The following SELENOI variants were observed in gnomAD, a reference collection of about 807,000 sequenced individuals.
SELENOI encodes the protein selenoprotein I.
In SELENOI, 24 loss-of-function variants were observed where a neutral mutation model predicts 50.7. That is an observed-to-expected ratio of 0.47 (90% CI 0.34 to 0.67). SELENOI has a LOEUF of 0.67. Ranked by LOEUF, SELENOI falls within the 30% of genes least tolerant of loss-of-function variation. The pLI is 0.01. For synonymous variants in SELENOI, 155 were observed against 170.2 expected, an observed-to-expected ratio of 0.91 and a Z score of 0.70; for missense variants, 352 against 461.4, an observed-to-expected ratio of 0.76 and a Z score of 2.17.
chr2:26,387,296 A>G (rs550274619), intron 9 of SELENOI, among the ~76,000 whole-genome samples: 1 of 152,274 alleles, frequency 6.6e-6, no homozygotes, highest in Admixed American at 6.5e-5. Flanking sequence ...CATTTTTAAC[A>G]TAGGCTGTGC....
At chr2:26,386,580 A>G (rs767245051) in intron 9 of SELENOI, 44 bp downstream of exon 9, 7 of 1,449,524 alleles carry the variant, frequency 4.8e-6, no homozygotes, top group Non-Finnish European at 5.5e-6. Context: ...GGGCTTATAA[A>G]TGGCACCAAT....
rs757002380 is a variant in SELENOI, at chr2:26,346,193, G to T, written c.-40G>T. ...GCTTGTGTGTCACAGCCTTGTAGCC[G>T]GGAGTCGCTGCCGAGTGGGCGCTCA... On this transcript the variant is annotated 5_prime_UTR_variant, in exon 1 of 10. Coordinates refer to ENST00000260585, the MANE Select transcript of SELENOI (RefSeq NM_033505.4). The T allele has an allele frequency of 1.5e-5, 25 of 1,613,138 alleles. No homozygotes were observed. Among genetic ancestry groups the T allele is most frequent in the Non-Finnish European group, 2.0e-5 (24 of 1,179,540 alleles).
intron 4 of SELENOI, among the ~76,000 whole-genome samples, chr2:26,367,527 A>G (rs1307145677): frequency 6.6e-6 from 1 of 152,158 alleles, no homozygotes; most frequent in Non-Finnish European, 1.5e-5. Context: ...TATATTGTCT[A>G]TGGCTGTTTT....
intron 6 of SELENOI, 143 bp from the exon 7 acceptor site, chr2:26,383,148 AATGTTGTT>A (rs1677743395): frequency 2.0e-6 from 1 of 503,250 alleles, no homozygotes; most frequent in African/African-American, 2.0e-5. Flanking sequence ...TCCTGTTGTA[AATGTTGTT>A]TATAAATGTA....
intron 4 of SELENOI, among the ~76,000 whole-genome samples, chr2:26,370,836 AC>A (rs1677412638): frequency 2.6e-5 from 1 of 38,140 alleles, no homozygotes; most frequent in African/African-American, 1.0e-4. Flanking sequence ...GGGGGCTGAC[AC>A]CCCCACCTCC....
At chr2:26,386,833 A>G (rs1158106003) in intron 9 of SELENOI, among the ~76,000 whole-genome samples, 1 of 152,246 alleles carries the variant, frequency 6.6e-6, no homozygotes, top group East Asian at 1.9e-4. Context: ...CTTGGTGAGT[A>G]GAATTGTAAA....
chr2:26,347,809 T>C (rs1280313271), intron 1 of SELENOI, among the ~76,000 whole-genome samples: 1 of 152,218 alleles, frequency 6.6e-6, no homozygotes, highest in Non-Finnish European at 1.5e-5. Context: ...TAAAGAATCT[T>C]CCCTAGATTT....
rs923807602 is a variant in SELENOI at position 26,392,560 on chromosome 2, T to C, written c.*3457T>C. 2.0e-5 allele frequency: 3 copies of C among 152,254 alleles called. No homozygotes were observed. Among genetic ancestry groups the C allele is most frequent in the Non-Finnish European group, 2.9e-5 (2 of 68,062 alleles). 9.4% of individuals were successfully genotyped at this position (152,254 alleles called of 1,614,324 possible). ...ACCACCTAGGACAGAGGCTGCCCAC[T>C]CAGGTCTTGCCTTGTTGCCCCTAGA... On this transcript the variant is annotated 3_prime_UTR_variant, in exon 10 of 10. Coordinates refer to ENST00000260585, the MANE Select transcript of SELENOI (RefSeq NM_033505.4).
chr2:26,350,993 G>A (rs1676945030), intron 1 of SELENOI, among the ~76,000 whole-genome samples: 1 of 151,268 alleles, frequency 6.6e-6, no homozygotes, highest in African/African-American at 2.4e-5. Flanking sequence ...AGATTAATTC[G>A]CCTGTACTTG....
intron 3 of SELENOI, among the ~76,000 whole-genome samples, chr2:26,366,231 C>T (rs1378631786): frequency 6.6e-6 from 1 of 152,116 alleles, no homozygotes; most frequent in African/African-American, 2.4e-5. Context: ...AACTCTGAAG[C>T]ATGAGAAGAT....
chr2:26,361,209 G>A (rs367701156), intron 1 of SELENOI, among the ~76,000 whole-genome samples: 1 of 152,124 alleles, frequency 6.6e-6, no homozygotes, highest in Non-Finnish European at 1.5e-5. Context: ...GTGAGACTCC[G>A]TCTCAAAAAG....
At position 26,395,617 on chromosome 2, in the gene SELENOI, T is replaced by G. The variant is rs1678073643; in HGVS notation, c.*6514T>G. 6.6e-6 allele frequency: 1 copy of G among 152,644 alleles called. No individual in the cohort carries two copies. The highest frequency in any genetic ancestry group is 1.5e-5 in the Non-Finnish European group (1 of 68,054). The allele number at this position is 152,644 out of a possible 1,614,324, so 9.5% of individuals were successfully genotyped here. ...GAATATTTTAAAGTGTCAGATAATG[T>G]GATGTACAAAGAGAGTATGCCGATG... On this transcript the variant is annotated 3_prime_UTR_variant, in exon 10 of 10. Coordinates refer to ENST00000260585, the MANE Select transcript of SELENOI (RefSeq NM_033505.4).
intron 6 of SELENOI, among the ~76,000 whole-genome samples, chr2:26,382,672 T>C (rs1345753259): frequency 1.3e-5 from 2 of 152,066 alleles, no homozygotes; most frequent in African/African-American, 4.8e-5. Flanking sequence ...AGTGTGCGAA[T>C]GGAAGTAGCT....
At chr2:26,375,204 C>A (rs145332704) in intron 6 of SELENOI, 56 bp downstream of exon 6, 6 of 1,132,378 alleles carry the variant, frequency 5.3e-6, no homozygotes, top group Non-Finnish European at 6.5e-6. Flanking sequence ...TCAAAAGAGC[C>A]GGTATTTGAC....
At chr2:26,367,356 A>G in intron 4 of SELENOI, 136 bp downstream of exon 4, 1 of 669,186 alleles carries the variant, frequency 1.5e-6, no homozygotes, top group Non-Finnish European at 2.3e-6. Flanking sequence ...AAATTGATAA[A>G]TATGTTTTTG....
Position 26,383,052 on chromosome 2 carries a change from G to A in SELENOI, c.683-247G>A, listed in dbSNP as rs531487679. 1.2e-4 allele frequency among the ~76,000 whole-genome samples: 19 copies of A among 152,228 alleles called. No individual in the cohort carries two copies. The South Asian group carries it at 2.9e-3, about 23-fold the overall frequency. ...AAAACACCAATTTGCCTGAAGTCCC[G>A]TAATCAGTTCATGGTACAACTGAAA... On this transcript the variant is annotated intron_variant, in intron 6 of 9. Transcript: ENST00000260585.
At position 26,385,782 on chromosome 2, in the gene SELENOI, C is replaced by T. The variant is rs138509193; in HGVS notation, c.913-572C>T. Among the ~76,000 whole-genome samples the T allele has an allele frequency of 2.7e-4, 41 of 152,214 alleles. No individual in the cohort carries two copies. In the East Asian group the frequency reaches 6.6e-3, roughly 24 times the overall value. ...TCATCTTATGTTTCCATGTTTGTAA[C>T]GTGTGTAATATCTCAAGTCTTGCTG... On this transcript the variant is annotated intron_variant, in intron 8 of 9. Coordinates refer to ENST00000260585, the MANE Select transcript of SELENOI (RefSeq NM_033505.4).
intron 4 of SELENOI, among the ~76,000 whole-genome samples, chr2:26,369,449 A>G (rs1339617024): frequency 2.0e-5 from 3 of 152,100 alleles, no homozygotes; most frequent in African/African-American, 7.2e-5. Context: ...CACTACCACT[A>G]TCTTCGTTAC....
intron 9 of SELENOI, among the ~76,000 whole-genome samples, chr2:26,387,030 A>G (rs1198202056): frequency 6.6e-6 from 1 of 152,236 alleles, no homozygotes; most frequent in Non-Finnish European, 1.5e-5. Context: ...GAGGGAGATT[A>G]GAATTTCTGA....
Sources: gnomAD v4.1 joint callset for allele counts (sites outside exome capture counted in the v4.1 genomes callset) on GRCh38, gnomAD v4.1.1 for gene constraint, MANE v1.5 for transcripts, NCBI Gene and HGNC (gene_info 2026-07-23, HGNC 2026-07-21) for gene names.